The following ADAMTS17 variants were observed in gnomAD, a reference collection of about 807,000 sequenced individuals.
ADAMTS17 encodes ADAM metallopeptidase with thrombospondin type 1 motif 17, also known as A disintegrin and metalloproteinase with thrombospondin motifs 17.
ADAMTS17 carries 113 observed loss-of-function variants against 141.5 expected under a neutral mutation model. The observed-to-expected ratio is 0.80, with a 90% CI of 0.69 to 0.93. ADAMTS17 has a LOEUF of 0.93. Among genes scored for constraint, ADAMTS17 ranks in the 40% least tolerant of loss-of-function variants. The pLI, the probability that ADAMTS17 is intolerant of heterozygous loss-of-function variation, is 0.00. For missense variants in ADAMTS17, 1,659 were observed against 1,517.9 expected, an observed-to-expected ratio of 1.09 and a Z score of -1.54; for synonymous variants, 768 against 630.6, an observed-to-expected ratio of 1.22 and a Z score of -3.27.
intron 7 of ADAMTS17, among the ~76,000 whole-genome samples, chr15:100,223,857 A>T (rs1361105568): frequency 6.6e-6 from 1 of 151,734 alleles, no homozygotes; most frequent in Non-Finnish European, 1.5e-5. Context: ...TTAAGTATTA[A>T]CTTATACATT....
At chr15:100,114,569 A>G (rs549563277) in intron 13 of ADAMTS17, among the ~76,000 whole-genome samples, 1 of 152,348 alleles carries the variant, frequency 6.6e-6, no homozygotes, top group Non-Finnish European at 1.5e-5. Context: ...CTACCTGTGC[A>G]AAGCCCCGAG....
intron 7 of ADAMTS17, among the ~76,000 whole-genome samples, chr15:100,208,774 G>A (rs1202572317): frequency 6.6e-6 from 1 of 152,166 alleles, no homozygotes; most frequent in African/African-American, 2.4e-5. Context: ...AGAGGCCTTG[G>A]TTTAAGAATC....
At chr15:100,030,199 T>C (rs1205683356) in intron 18 of ADAMTS17, among the ~76,000 whole-genome samples, 1 of 152,098 alleles carries the variant, frequency 6.6e-6, no homozygotes, top group Non-Finnish European at 1.5e-5. Context: ...GAACATCCTC[T>C]TCCCAGGAAG....
chr15:100,141,460 A>C (rs185226857), intron 10 of ADAMTS17, among the ~76,000 whole-genome samples: 4 of 152,350 alleles, frequency 2.6e-5, no homozygotes. Flanking sequence ...TGTGCTGCTG[A>C]TAACACAAGC....
At chr15:100,160,037 C>G (rs1017848350) in intron 8 of ADAMTS17, among the ~76,000 whole-genome samples, 1 of 141,926 alleles carries the variant, frequency 7.0e-6, no homozygotes, top group Non-Finnish European at 1.6e-5. Flanking sequence ...ACTCAGAAAA[C>G]CCGTTTCTCC....
rs548412516 is a variant in ADAMTS17, at chr15:100,219,551, G to A, written c.1076-20128C>T. 1.1e-4 allele frequency among the ~76,000 whole-genome samples: 16 copies of A among 152,176 alleles called. No individual in the cohort carries two copies. In the South Asian group the frequency reaches 2.3e-3, roughly 22 times the overall value. On this transcript the variant is annotated intron_variant, in intron 7 of 21. Transcript: ENST00000268070. ...AGAGAGCGTTATCGTCCTCAGATAG[G>A]GCTTCTTCTATCTCAAACCCAGTGT...
At chr15:100,033,930 C>A (rs1467770326) in intron 18 of ADAMTS17, among the ~76,000 whole-genome samples, 2 of 152,226 alleles carry the variant, frequency 1.3e-5, no homozygotes, top group Non-Finnish European at 2.9e-5. Flanking sequence ...ACAGCCATGG[C>A]TTCAGAGCAG....
chr15:99,976,098 T>C lies in ADAMTS17; in HGVS notation c.3074A>G (p.Gln1025Arg), dbSNP rs2060319505. ...SKPAPYRQCY[Q>R]EVCNDRINAN... ...GTTGATCCTGTCGTTGCAGACCTCC[T>C]GGTAGCACTGTCTGTAGGGGGCAGG... Residue 1025 changes from glutamine (Q) to arginine (R), a missense_variant, in exon 21 of 22, where the codon CAG becomes CGG. Gln to Arg is a conservative substitution (Grantham distance 43). Transcript: ENST00000268070. 2 of 1,551,648 alleles carry C rather than the reference T, an allele frequency of 1.3e-6. No homozygotes were observed. The highest frequency in any genetic ancestry group is 1.4e-5 in the African/African-American group (1 of 73,192).
At chr15:100,243,808 GA>G (rs2042902840) in intron 7 of ADAMTS17, among the ~76,000 whole-genome samples, 2 of 109,954 alleles carry the variant, frequency 1.8e-5, no homozygotes, top group African/African-American at 6.9e-5. Context: ...AAAAAAGAAA[GA>G]AAAGAAAAAG....
At chr15:100,081,673 A>G (rs1211963326) in intron 15 of ADAMTS17, among the ~76,000 whole-genome samples, 1 of 152,172 alleles carries the variant, frequency 6.6e-6, no homozygotes, top group East Asian at 1.9e-4. Flanking sequence ...TTTAAATACT[A>G]TTTAAGCCAA....
chr15:99,999,509 G>A (rs2060875061), intron 18 of ADAMTS17, among the ~76,000 whole-genome samples: 1 of 152,120 alleles, frequency 6.6e-6, no homozygotes, highest in South Asian at 2.1e-4. Context: ...CCTGGTGGAG[G>A]GGCACGCTGG....
At chr15:100,015,929 G>A (rs780765381) in intron 18 of ADAMTS17, among the ~76,000 whole-genome samples, 6 of 152,160 alleles carry the variant, frequency 3.9e-5, no homozygotes, top group African/African-American at 7.2e-5. Flanking sequence ...CAAGGCTGGC[G>A]AAGTATTCCT....
chr15:100,008,271 T>C (rs560750843), intron 18 of ADAMTS17, among the ~76,000 whole-genome samples: 1 of 152,164 alleles, frequency 6.6e-6, no homozygotes, highest in South Asian at 2.1e-4. Flanking sequence ...TGTGAGCCTC[T>C]GGCCTAGTGT....
intron 11 of ADAMTS17, 72 bp downstream of exon 11, chr15:100,133,142 T>G: frequency 1.4e-6 from 2 of 1,386,842 alleles, no homozygotes; most frequent in South Asian, 2.5e-5. Context: ...ACAGATTGTG[T>G]GTCAGAAGAG....
At chr15:100,023,832 T>C (rs1202387767) in intron 18 of ADAMTS17, among the ~76,000 whole-genome samples, 1 of 152,246 alleles carries the variant, frequency 6.6e-6, no homozygotes, top group Non-Finnish European at 1.5e-5. Flanking sequence ...TCTTGGGCTA[T>C]TCTCACTCAC....
At chr15:100,186,553 A>C (rs952899666) in intron 8 of ADAMTS17, among the ~76,000 whole-genome samples, 1 of 152,212 alleles carries the variant, frequency 6.6e-6, no homozygotes, top group Non-Finnish European at 1.5e-5. Context: ...CAGCCAGGTC[A>C]TGACTACAGC....
chr15:100,193,455 A>G (rs2040993800), intron 8 of ADAMTS17, among the ~76,000 whole-genome samples: 2 of 152,170 alleles, frequency 1.3e-5, no homozygotes. Flanking sequence ...TTGGCTCCCC[A>G]GCACTGGGGC....
chr15:100,225,490 C>G (rs1271326890), intron 7 of ADAMTS17, among the ~76,000 whole-genome samples: 2 of 151,204 alleles, frequency 1.3e-5, no homozygotes, highest in Admixed American at 6.6e-5. Flanking sequence ...GTCACGGTCT[C>G]TGTGCCATTC....
At chr15:100,074,872 G>A (rs1434620338) in intron 15 of ADAMTS17, among the ~76,000 whole-genome samples, 1 of 152,006 alleles carries the variant, frequency 6.6e-6, no homozygotes, top group African/African-American at 2.4e-5. Context: ...AATCTCTTAT[G>A]ACTTATTAAT....
Sources: gnomAD v4.1 joint callset for allele counts (sites outside exome capture counted in the v4.1 genomes callset) on GRCh38, gnomAD v4.1.1 for gene constraint, MANE v1.5 for transcripts, NCBI Gene and HGNC (gene_info 2026-07-23, HGNC 2026-07-21) for gene names.